YME1L1: variants seen among roughly 807,000 people sequenced by gnomAD.
The protein encoded by YME1L1 is YME1 like 1 ATPase, also known as ATP-dependent zinc metalloprotease YME1L1.
Under a neutral mutation model 90.4 loss-of-function variants are expected in YME1L1, and 39 were observed. The observed-to-expected ratio is 0.43, with a 90% CI of 0.33 to 0.56. The LOEUF (loss-of-function observed/expected upper bound fraction) is 0.56. Ranked by LOEUF, YME1L1 falls within the 20% of genes least tolerant of loss-of-function variation. YME1L1 has a pLI of 0.03. For synonymous variants in YME1L1, 284 were observed against 287.3 expected (o/e 0.99, Z 0.12); for missense variants, 617 against 868.4 (o/e 0.71, Z 3.64).
intron 1 of YME1L1, among the ~76,000 whole-genome samples, chr10:27,151,015 T>C (rs1588619933): frequency 7.3e-6 from 1 of 137,666 alleles, no homozygotes; most frequent in South Asian, 2.6e-4. Flanking sequence ...AACCACCGCC[T>C]CCTGGGTTCG....
chr10:27,154,106 T>TCCACGAGCGCAATTTGCAAACAG (rs2057279077), intron 1 of YME1L1, 72 bp downstream of exon 1: 1 of 1,541,446 alleles, frequency 6.5e-7, no homozygotes, highest in Non-Finnish European at 8.8e-7. Flanking sequence ...AGAAATCGCT[T>TCCACGAGCGCAATTTGCAAACAG]CCACGAGCGC....
At chr10:27,148,201 A>G (rs937757792) in intron 2 of YME1L1, among the ~76,000 whole-genome samples, 2 of 151,020 alleles carry the variant, frequency 1.3e-5, no homozygotes, top group African/African-American at 2.4e-5. Flanking sequence ...ACATTTTTAT[A>G]TTTATTTATT....
intron 4 of YME1L1, among the ~76,000 whole-genome samples, chr10:27,138,165 T>C (rs1383568014): frequency 6.6e-6 from 1 of 152,144 alleles, no homozygotes; most frequent in African/African-American, 2.4e-5. Flanking sequence ...TTAATTTTGT[T>C]GCACTGATGT....
chr10:27,153,539 G>C (rs1564472751), intron 1 of YME1L1, among the ~76,000 whole-genome samples: 1 of 152,162 alleles, frequency 6.6e-6, no homozygotes, highest in Non-Finnish European at 1.5e-5. Flanking sequence ...GCCCAAGAGC[G>C]TAATGAAAAC....
At chr10:27,113,902 C>T (rs991577476) in intron 18 of YME1L1, among the ~76,000 whole-genome samples, 1 of 149,792 alleles carries the variant, frequency 6.7e-6, no homozygotes, top group Admixed American at 6.7e-5. Flanking sequence ...TGCAGTGAGC[C>T]GAGATCATGC....
chr10:27,153,861 C>T (rs2057268620), intron 1 of YME1L1, among the ~76,000 whole-genome samples: 1 of 152,124 alleles, frequency 6.6e-6, no homozygotes, highest in Admixed American at 6.5e-5. Context: ...ATTTTCCCAC[C>T]CCAGAACGCC....
chr10:27,132,210 C>T (rs547102462), intron 7 of YME1L1, among the ~76,000 whole-genome samples: 99 of 152,254 alleles, frequency 6.5e-4, no homozygotes, highest in Non-Finnish European at 1.3e-3. Context: ...AAGCGATTCT[C>T]CTGCCTCAGC....
At position 27,126,774 on chromosome 10, in the gene YME1L1, T is replaced by G; in HGVS notation, c.871A>C (p.Lys291Gln). 1 of 1,587,810 alleles carries G rather than the reference T, an allele frequency of 6.3e-7. No homozygotes were observed. The highest frequency in any genetic ancestry group is 1.8e-5 in the Admixed American group (1 of 55,852). ...FEHVKGVEEA[K>Q]QELQEVVEFL... Reference sequence around the variant, plus strand: ...TCAACAACTTCCTGTAATTCTTGTTTAGCTTCCTCCACCTAAAGTGACACA... The same window carrying G: ...TCAACAACTTCCTGTAATTCTTGTTGAGCTTCCTCCACCTAAAGTGACACA... The change falls in exon 9 of 19, where the codon AAA (lysine) becomes CAA (glutamine). Residue 291 changes from lysine to glutamine, a missense_variant. Transcript: ENST00000376016.
In YME1L1 at chr10:27,111,911, T is replaced by C. The variant is rs763366731; in HGVS notation, c.*66A>G. ...GAATGAGGGGAAAGCGTTGTAAAAG[T>C]AGACTACTGCAATGCTACTTGTATT... On this transcript the variant is annotated 3_prime_UTR_variant, in exon 19 of 19. Coordinates refer to ENST00000376016, the MANE Select transcript of YME1L1 (RefSeq NM_014263.4). The C allele has an allele frequency of 9.1e-5, 143 of 1,578,052 alleles. No individual in the cohort carries two copies. Among genetic ancestry groups the C allele is most frequent in the Non-Finnish European group, 1.1e-4 (122 of 1,149,304 alleles).
chr10:27,112,133 A>G lies in YME1L1; in HGVS notation c.2008-13T>C. On this transcript the variant is annotated splice_polypyrimidine_tract_variant and intron_variant, in intron 18 of 18. Transcript: ENST00000376016. ...GTTCATATGAGTCCTGAAACAGAAA[A>G]GGAGATACGTAAGCAGCAGCAAATG... 2 of 1,602,586 alleles carry G rather than the reference A, an allele frequency of 1.2e-6. No homozygotes were observed. The highest frequency in any genetic ancestry group is 1.7e-6 in the Non-Finnish European group (2 of 1,175,246).
intron 1 of YME1L1, among the ~76,000 whole-genome samples, chr10:27,149,711 C>CAAAAA (rs58900380): frequency 1.2e-4 from 4 of 32,366 alleles, no homozygotes; most frequent in South Asian, 1.2e-3. Flanking sequence ...ACCTGTCTCT[C>CAAAAA]AAAAAAAAAA....
intron 1 of YME1L1, among the ~76,000 whole-genome samples, chr10:27,149,308 G>A (rs2057181962): frequency 6.6e-6 from 1 of 152,074 alleles, no homozygotes; most frequent in Non-Finnish European, 1.5e-5. Flanking sequence ...TTATTATAAG[G>A]AAATAATCTG....
intron 1 of YME1L1, among the ~76,000 whole-genome samples, chr10:27,152,044 GT>G (rs1043408677): frequency 6.6e-6 from 1 of 151,930 alleles, no homozygotes; most frequent in African/African-American, 2.4e-5. Flanking sequence ...ACATGGATTT[GT>G]TTTAAGGCTA....
In YME1L1 at chr10:27,111,685, CATTA is replaced by C. The variant is rs1471173017; in HGVS notation, c.*288_*291del. On this transcript the variant is annotated 3_prime_UTR_variant, in exon 19 of 19. Coordinates refer to ENST00000376016, the MANE Select transcript of YME1L1 (RefSeq NM_014263.4). Reference sequence around the variant, plus strand: ...CTAGTAGAGTAACCAAACATAAAATCATTAATTACTTTCAACTTAATAACTAATT... The same window carrying C: ...CTAGTAGAGTAACCAAACATAAAATCATTACTTTCAACTTAATAACTAATT... 3 of 444,220 alleles carry C rather than the reference CATTA, an allele frequency of 6.8e-6. No homozygotes were observed. Among genetic ancestry groups the C allele is most frequent in the Admixed American group, 3.4e-5 (1 of 29,616 alleles). 27.5% of individuals were successfully genotyped at this position (444,220 alleles called of 1,614,324 possible). A position where few individuals can be genotyped will look rare whatever the true frequency, so the allele number is the denominator to read the frequency against.
intron 10 of YME1L1, among the ~76,000 whole-genome samples, chr10:27,123,221 AT>A (rs2056884366): frequency 6.6e-6 from 1 of 152,164 alleles, no homozygotes; most frequent in Non-Finnish European, 1.5e-5. Context: ...AATATATACA[AT>A]CAGGTTTGAA....
intron 1 of YME1L1, among the ~76,000 whole-genome samples, chr10:27,153,948 A>C (rs1024623302): frequency 6.6e-6 from 1 of 151,452 alleles, no homozygotes; most frequent in African/African-American, 2.4e-5. Flanking sequence ...GTCTCTCTCT[A>C]TCACTGAGCT....
At chr10:27,150,518 C>T (rs1456031574) in intron 1 of YME1L1, among the ~76,000 whole-genome samples, 1 of 152,090 alleles carries the variant, frequency 6.6e-6, no homozygotes, top group African/African-American at 2.4e-5. Context: ...GTCATAAAGA[C>T]CGTGATGATA....
chr10:27,153,169 C>T (rs1275128147), intron 1 of YME1L1: 6 of 470,190 alleles, frequency 1.3e-5, no homozygotes, highest in African/African-American at 1.0e-4. Flanking sequence ...TTGCTAAGTC[C>T]TACTCATATT....
chr10:27,139,860 T>G (rs1309366760), intron 4 of YME1L1, among the ~76,000 whole-genome samples: 3 of 152,208 alleles, frequency 2.0e-5, no homozygotes, highest in Non-Finnish European at 4.4e-5. Context: ...TAATCAGAAT[T>G]GTTAAATTGT....
Sources: allele counts gnomAD v4.1 joint callset (sites outside exome capture counted in the v4.1 genomes callset), GRCh38; gene constraint gnomAD v4.1.1; transcripts MANE v1.5; gene names NCBI Gene and HGNC (gene_info 2026-07-23, HGNC 2026-07-21).